The following SNAP29 variants were observed in gnomAD, a reference collection of about 807,000 sequenced individuals.
SNAP29 encodes synaptosome associated protein 29.
A neutral mutation model predicts 27.9 loss-of-function variants in SNAP29; 13 were observed. The observed-to-expected ratio is 0.47, with a 90% CI of 0.30 to 0.74. SNAP29 has a LOEUF of 0.74. SNAP29 is among the 30% of genes least tolerant of loss of function. The pLI is 0.06. For synonymous variants in SNAP29, 119 were observed against 127.1 expected (o/e 0.94, Z 0.43); for missense variants, 368 against 336.5 (o/e 1.09, Z -0.73).
At position 20,876,716 on chromosome 22, in the gene SNAP29, C is replaced by T. The variant is rs181603459; in HGVS notation, c.435-4333C>T. 6.6e-5 allele frequency among the ~76,000 whole-genome samples: 10 copies of T among 152,060 alleles called. No homozygotes were observed. In the East Asian group the frequency reaches 9.7e-4, roughly 15 times the overall value. On this transcript the variant is annotated intron_variant, in intron 2 of 4. Coordinates refer to ENST00000215730, the MANE Select transcript of SNAP29 (RefSeq NM_004782.4). Reference sequence around the variant, plus strand: ...CCAAGCAGCTGGGACTACAGGCACCCGCCACCACGCCCGGCTAAATTTTTT... The same window carrying T: ...CCAAGCAGCTGGGACTACAGGCACCTGCCACCACGCCCGGCTAAATTTTTT...
At chr22:20,877,161 C>T (rs1219270162) in intron 2 of SNAP29, among the ~76,000 whole-genome samples, 1 of 152,162 alleles carries the variant, frequency 6.6e-6, no homozygotes, top group Non-Finnish European at 1.5e-5. Context: ...TGGTGGCTCA[C>T]GCCTATAATC....
chr22:20,868,281 TA>T lies in SNAP29; in HGVS notation c.238-2050del, dbSNP rs145522856. Among the ~76,000 whole-genome samples the T allele has an allele frequency of 8.9e-3, 1,360 of 152,284 alleles. 19 individuals are homozygous for T. Among genetic ancestry groups the T allele is most frequent in the African/African-American group, 0.031 (1,300 of 41,530 alleles). ...ATCCAGAAAACATCTTTTTTTTACT[TA>T]AAAAAGGCTGATGGTTTGTTCAGAC... On this transcript the variant is annotated intron_variant, in intron 1 of 4. Coordinates refer to ENST00000215730, the MANE Select transcript of SNAP29 (RefSeq NM_004782.4).
chr22:20,859,619 C>T, intron 1 of SNAP29: 1 of 519,156 alleles, frequency 1.9e-6, no homozygotes. Context: ...CACGGGGAAA[C>T]GCCAGATTAT....
At chr22:20,864,559 G>C (rs1928413880) in intron 1 of SNAP29, among the ~76,000 whole-genome samples, 1 of 152,208 alleles carries the variant, frequency 6.6e-6, no homozygotes, top group African/African-American at 2.4e-5. Context: ...ACAGACCAAA[G>C]TCACCCCTCT....
chr22:20,866,563 T>C (rs192223488), intron 1 of SNAP29, among the ~76,000 whole-genome samples: 8 of 152,120 alleles, frequency 5.3e-5, no homozygotes, highest in Admixed American at 5.2e-4. Context: ...CCACCTGATG[T>C]TATAAGATGT....
intron 4 of SNAP29, among the ~76,000 whole-genome samples, chr22:20,886,601 A>G (rs554491965): frequency 1.4e-5 from 2 of 142,776 alleles, no homozygotes; most frequent in South Asian, 4.5e-4. Context: ...GAGCCACCAC[A>G]CTCAGCCTAT....
In SNAP29 at chr22:20,889,419, A is replaced by G. The variant is rs1929098792; in HGVS notation, c.*1583A>G. The G allele has an allele frequency of 2.0e-5, 3 of 152,238 alleles. No homozygotes were observed. Among genetic ancestry groups the G allele is most frequent in the Admixed American group, 1.3e-4 (2 of 15,274 alleles). The allele number at this position is 152,238 out of a possible 1,614,324, so 9.4% of individuals were successfully genotyped here. On this transcript the variant is annotated 3_prime_UTR_variant, in exon 5 of 5. Transcript: ENST00000215730. ...CCACTTGTTAGATTCCAGCCACCTCAGGGATTCTGATCCATGTCATTAACG... is the reference window on the plus strand; with the variant it reads ...CCACTTGTTAGATTCCAGCCACCTCGGGGATTCTGATCCATGTCATTAACG...
intron 2 of SNAP29, 53 bp from the exon 3 acceptor site, chr22:20,880,994 TCA>T: frequency 8.8e-7 from 1 of 1,130,500 alleles, no homozygotes; most frequent in Non-Finnish European, 1.3e-6. Context: ...GATAACATTG[TCA>T]TAGGGGTTTT....
intron 2 of SNAP29, among the ~76,000 whole-genome samples, chr22:20,874,305 C>A (rs887523233): frequency 7.4e-6 from 1 of 134,356 alleles, no homozygotes; most frequent in Non-Finnish European, 1.5e-5. Flanking sequence ...CTGACACACA[C>A]AGACACACAC....
intron 2 of SNAP29, among the ~76,000 whole-genome samples, chr22:20,875,898 C>T (rs571930126): frequency 2.1e-4 from 32 of 151,914 alleles, no homozygotes; most frequent in Middle Eastern, 6.9e-3. Context: ...CAGTGGCTCA[C>T]GCCTGTAATC....
At chr22:20,881,660 T>G (rs911858618) in intron 3 of SNAP29, among the ~76,000 whole-genome samples, 1 of 152,160 alleles carries the variant, frequency 6.6e-6, no homozygotes, top group Non-Finnish European at 1.5e-5. Flanking sequence ...TGAGCTGAGA[T>G]CACGCCACTG....
intron 1 of SNAP29, among the ~76,000 whole-genome samples, chr22:20,869,810 G>A (rs113499608): frequency 0.01 from 1,565 of 151,104 alleles, 21 homozygotes; most frequent in African/African-American, 0.035. Flanking sequence ...TTGCTCTGTC[G>A]CCCAGGCTGG....
intron 1 of SNAP29, chr22:20,859,572 G>A: frequency 1.7e-6 from 1 of 576,134 alleles, no homozygotes; most frequent in South Asian, 2.2e-5. Flanking sequence ...TTAGCTATTA[G>A]TCTGCTTCGT....
chr22:20,861,747 G>A (rs972248054), intron 1 of SNAP29, among the ~76,000 whole-genome samples: 1 of 152,134 alleles, frequency 6.6e-6, no homozygotes, highest in Non-Finnish European at 1.5e-5. Flanking sequence ...CGATTCTCCT[G>A]CCTCAACCTC....
At chr22:20,860,304 C>T (rs1459711160) in intron 1 of SNAP29, among the ~76,000 whole-genome samples, 3 of 151,264 alleles carry the variant, frequency 2.0e-5, no homozygotes, top group East Asian at 3.9e-4. Flanking sequence ...TTGCAGTTAG[C>T]TGAGATCGTG....
At chr22:20,877,300 T>TA (rs1459071501) in intron 2 of SNAP29, among the ~76,000 whole-genome samples, 1 of 152,092 alleles carries the variant, frequency 6.6e-6, no homozygotes, top group African/African-American at 2.4e-5. Context: ...CTCACGCCTG[T>TA]AATCCCAGCA....
At chr22:20,880,842 C>T (rs973741962) in intron 2 of SNAP29, among the ~76,000 whole-genome samples, 2 of 152,102 alleles carry the variant, frequency 1.3e-5, no homozygotes, top group African/African-American at 4.8e-5. Flanking sequence ...TGCCACACTT[C>T]TGAGGCAGGG....
intron 1 of SNAP29, among the ~76,000 whole-genome samples, chr22:20,868,768 C>A (rs1928518415): frequency 6.6e-6 from 1 of 152,184 alleles, no homozygotes; most frequent in South Asian, 2.1e-4. Flanking sequence ...CACAGATGGG[C>A]CGCAGCTGTA....
intron 4 of SNAP29, among the ~76,000 whole-genome samples, chr22:20,884,831 A>C (rs1236022619): frequency 6.6e-6 from 1 of 152,178 alleles, no homozygotes; most frequent in Non-Finnish European, 1.5e-5. Flanking sequence ...GCTGCAGTGC[A>C]ATGGTGCAAT....
Sources: allele counts gnomAD v4.1 joint callset (sites outside exome capture counted in the v4.1 genomes callset), GRCh38; gene constraint gnomAD v4.1.1; transcripts MANE v1.5; gene names NCBI Gene and HGNC (gene_info 2026-07-23, HGNC 2026-07-21).